The following NUSAP1 variants were observed in gnomAD, a reference collection of about 807,000 sequenced individuals.
The protein encoded by NUSAP1 is nucleolar and spindle associated protein 1, also known as nucleolar and spindle-associated protein 1.
NUSAP1 carries 32 observed loss-of-function variants against 52.8 expected under a neutral mutation model. That is an observed-to-expected ratio of 0.61 (90% CI 0.46 to 0.81). The LOEUF (loss-of-function observed/expected upper bound fraction) is 0.81. Among genes scored for constraint, NUSAP1 ranks in the 40% least tolerant of loss-of-function variants. The pLI, the probability that NUSAP1 is intolerant of heterozygous loss-of-function variation, is 0.00. For missense variants in NUSAP1, 499 were observed against 522.3 expected, an observed-to-expected ratio of 0.96 and a Z score of 0.43; for synonymous variants, 195 against 183.1, an observed-to-expected ratio of 1.06 and a Z score of -0.52.
intron 1 of NUSAP1, among the ~76,000 whole-genome samples, chr15:41,334,475 G>C (rs1264273555): frequency 6.6e-6 from 1 of 152,086 alleles, no homozygotes; most frequent in Non-Finnish European, 1.5e-5. Context: ...ATGACCAAAG[G>C]GTTTTCCTTG....
At chr15:41,365,660 ATTGGC>A in intron 7 of NUSAP1, 71 bp downstream of exon 7, 3 of 1,152,692 alleles carry the variant, frequency 2.6e-6, no homozygotes, top group Non-Finnish European at 3.6e-6. Context: ...AAAATTTTTA[ATTGGC>A]AAATAATATT....
intron 1 of NUSAP1, among the ~76,000 whole-genome samples, chr15:41,335,765 T>C (rs534870949): frequency 6.9e-6 from 1 of 144,678 alleles, no homozygotes; most frequent in East Asian, 2.0e-4. Flanking sequence ...GCTATATTTA[T>C]ACCGGTATAA....
At chr15:41,361,251 G>A (rs1567060864) in intron 6 of NUSAP1, among the ~76,000 whole-genome samples, 1 of 151,848 alleles carries the variant, frequency 6.6e-6, no homozygotes, top group African/African-American at 2.4e-5. Context: ...AAATTATCTT[G>A]GCATGGTGGC....
chr15:41,356,170 T>C, intron 5 of NUSAP1, 30 bp downstream of exon 5: 1 of 1,274,248 alleles, frequency 7.8e-7, no homozygotes, highest in Non-Finnish European at 1.1e-6. Context: ...CCATAATAAG[T>C]AATGGTTGCC....
At chr15:41,354,515 T>G (rs1321036360) in intron 4 of NUSAP1, among the ~76,000 whole-genome samples, 1 of 151,100 alleles carries the variant, frequency 6.6e-6, no homozygotes, top group Non-Finnish European at 1.5e-5. Flanking sequence ...AACAAACAAA[T>G]GACAACAACC....
intron 1 of NUSAP1, among the ~76,000 whole-genome samples, chr15:41,334,627 C>G (rs1443693314): frequency 6.6e-6 from 1 of 152,182 alleles, no homozygotes; most frequent in African/African-American, 2.4e-5. Context: ...ACACTTGGCA[C>G]TTTTATCTAT....
rs185620652 is a variant in NUSAP1, at chr15:41,365,654, T to A, written c.848+65T>A. The A allele has an allele frequency of 2.1e-3, 2,379 of 1,132,942 alleles. 9 individuals carry two copies. Among genetic ancestry groups the A allele is most frequent in the South Asian group, 4.1e-3 (237 of 57,688 alleles). 70.2% of individuals were successfully genotyped at this position (1,132,942 alleles called of 1,614,324 possible). On this transcript the variant is annotated intron_variant, in intron 7 of 10. Coordinates refer to ENST00000559596, the MANE Select transcript of NUSAP1 (RefSeq NM_016359.5). ...TCACATGGACTATATAAAAAAAAAA[T>A]TTTTAATTGGCAAATAATATTCGTA...
Position 41,365,608 on chromosome 15 carries a change from A to T in NUSAP1, c.848+19A>T. 6.4e-7 allele frequency: 1 copy of T among 1,566,106 alleles called. No homozygotes were observed. Among genetic ancestry groups the T allele is most frequent in the Non-Finnish European group, 8.7e-7 (1 of 1,153,052 alleles). ...GTGTCAGGTAAAGAAATCACTCCAA[A>T]ATGTAATCATGAACAAGATTTCACA... On this transcript the variant is annotated intron_variant, in intron 7 of 10. Transcript: ENST00000559596.
Position 41,375,833 on chromosome 15 carries a change from G to A in NUSAP1, c.1123+5G>A, listed in dbSNP as rs770502812. ...TCAACTATGAACCACACAAAGGTATGTGGGAGTGTTTTGAGCTACAGGGCC... is the reference window on the plus strand; with the variant it reads ...TCAACTATGAACCACACAAAGGTATATGGGAGTGTTTTGAGCTACAGGGCC... On this transcript the variant is annotated splice_donor_5th_base_variant and intron_variant, in intron 9 of 10. Coordinates refer to ENST00000559596, the MANE Select transcript of NUSAP1 (RefSeq NM_016359.5). 1.3e-6 allele frequency: 2 copies of A among 1,587,264 alleles called. No individual in the cohort carries two copies. The highest frequency in any genetic ancestry group is 8.7e-7 in the Non-Finnish European group (1 of 1,155,792).
intron 6 of NUSAP1, among the ~76,000 whole-genome samples, chr15:41,359,300 C>T (rs2049082701): frequency 6.6e-6 from 1 of 152,008 alleles, no homozygotes; most frequent in African/African-American, 2.4e-5. Context: ...AATTCTTAAC[C>T]CCATGTTTAT....
intron 1 of NUSAP1, among the ~76,000 whole-genome samples, chr15:41,338,544 TCTC>T (rs2048256890): frequency 6.6e-6 from 1 of 152,148 alleles, no homozygotes; most frequent in South Asian, 2.1e-4. Flanking sequence ...AGCACTCTCA[TCTC>T]CTGACCACTG....
intron 3 of NUSAP1, 90 bp downstream of exon 3, chr15:41,349,331 G>A: frequency 1.5e-6 from 2 of 1,299,500 alleles, no homozygotes; most frequent in Non-Finnish European, 2.2e-6. Context: ...CCCATGTGAT[G>A]TCATGTGTTT....
chr15:41,343,552 C>G (rs539131769), intron 2 of NUSAP1: 1 of 152,346 alleles, frequency 6.6e-6, no homozygotes, highest in East Asian at 1.9e-4. Flanking sequence ...CAGGGTTTCT[C>G]CATGTTGGTC....
intron 4 of NUSAP1, among the ~76,000 whole-genome samples, chr15:41,354,322 T>G (rs1423480538): frequency 6.6e-6 from 1 of 152,072 alleles, no homozygotes; most frequent in African/African-American, 2.4e-5. Flanking sequence ...CTGGGTAACA[T>G]GACAAAACCC....
At chr15:41,356,619 C>T (rs541068346) in intron 5 of NUSAP1, among the ~76,000 whole-genome samples, 1 of 152,284 alleles carries the variant, frequency 6.6e-6, no homozygotes, top group Non-Finnish European at 1.5e-5. Flanking sequence ...TCCCAAAGTG[C>T]TGGGATTCCA....
intron 6 of NUSAP1, among the ~76,000 whole-genome samples, chr15:41,362,925 A>G (rs1422136363): frequency 4.6e-5 from 7 of 152,066 alleles, no homozygotes; most frequent in Admixed American, 4.6e-4. Context: ...GTGAGCTGAG[A>G]TCGGGCCACT....
At chr15:41,374,870 C>G (rs1393603919) in intron 8 of NUSAP1, among the ~76,000 whole-genome samples, 3 of 151,082 alleles carry the variant, frequency 2.0e-5, no homozygotes, top group Non-Finnish European at 4.4e-5. Context: ...GAGATGGAGT[C>G]CCACCCTGTT....
intron 2 of NUSAP1, chr15:41,343,421 C>G (rs565126000): frequency 6.6e-6 from 1 of 152,380 alleles, no homozygotes; most frequent in Non-Finnish European, 1.5e-5. Flanking sequence ...GTGGTGTGTT[C>G]TCAGCTCACT....
chr15:41,359,823 G>T (rs1426423985), intron 6 of NUSAP1, among the ~76,000 whole-genome samples: 1 of 146,702 alleles, frequency 6.8e-6, no homozygotes, highest in East Asian at 2.1e-4. Flanking sequence ...AGTAGAGACG[G>T]GTTTTCACCA....
Sources: gnomAD v4.1 joint callset for allele counts (sites outside exome capture counted in the v4.1 genomes callset) on GRCh38, gnomAD v4.1.1 for gene constraint, MANE v1.5 for transcripts, NCBI Gene and HGNC (gene_info 2026-07-23, HGNC 2026-07-21) for gene names.